Variants in KMT2A observed in about 807,000 individuals in gnomAD.
The protein encoded by KMT2A is lysine methyltransferase 2A, also known as histone-lysine N-methyltransferase 2A.
A neutral mutation model predicts 345.3 loss-of-function variants in KMT2A; 16 were observed. The observed-to-expected ratio is 0.05, with a 90% confidence interval of 0.03 to 0.07. The LOEUF is 0.07. Ranked by LOEUF, KMT2A falls within the 10% of genes least tolerant of loss-of-function variation. The pLI is 1.00. For synonymous variants in KMT2A, 1,599 were observed against 1,778.6 expected (o/e 0.90, Z 2.54); for missense variants, 3,272 against 4,841.6 (o/e 0.68, Z 9.62).
chr11:118,471,284 C>G (rs1949937827), intron 2 of KMT2A, among the ~76,000 whole-genome samples: 1 of 152,108 alleles, frequency 6.6e-6, no homozygotes, highest in Non-Finnish European at 1.5e-5. Context: ...AAATGTTAAT[C>G]TTGGTGGCTA....
At position 118,520,127 on chromosome 11, in the gene KMT2A, C is replaced by A; in HGVS notation, c.11429+63C>A. Reference sequence around the variant, plus strand: ...TTCCCTCTCCTCCAGCTGGTCAGGGCACTACGTAGGAATTTGTTTGCATCA... The same window carrying A: ...TTCCCTCTCCTCCAGCTGGTCAGGGAACTACGTAGGAATTTGTTTGCATCA... On this transcript the variant is annotated intron_variant, in intron 33 of 35. Transcript: ENST00000534358. This position sits in a 1 kb window ranked among gnomAD's most constrained non-coding sequence, Gnocchi z 4.3. 9.4e-7 allele frequency: 1 copy of A among 1,066,324 alleles called. No homozygotes were observed. Among genetic ancestry groups the A allele is most frequent in the Non-Finnish European group, 1.4e-6 (1 of 705,856 alleles). The allele number at this position is 1,066,324 out of a possible 1,614,324, so 66.1% of individuals were successfully genotyped here.
rs1950451402 is a variant in KMT2A, at chr11:118,498,776, T to G, written c.5961+248T>G. 6.6e-6 allele frequency among the ~76,000 whole-genome samples: 1 copy of G among 152,172 alleles called. No individual in the cohort carries two copies. Among genetic ancestry groups the G allele is most frequent in the East Asian group, 1.9e-4 (1 of 5,188 alleles). ...TTTACATCAGCATTCACTCTTGGTG[T>G]TGTACATTCTGTGGGTTTGGACAAA... is the stretch of plus-strand genomic sequence containing the variant. On this transcript the variant is annotated intron_variant, in intron 22 of 35. Transcript: ENST00000534358. This position sits in a 1 kb window ranked among gnomAD's most constrained non-coding sequence, Gnocchi z 4.4.
intron 1 of KMT2A, chr11:118,447,556 C>A: frequency 5.9e-6 from 2 of 337,886 alleles, no homozygotes; most frequent in South Asian, 4.5e-5. Context: ...GATGGGATGG[C>A]ATTATCTTTT....
chr11:118,489,521 A>C (rs1950291149), intron 11 of KMT2A, among the ~76,000 whole-genome samples: 2 of 152,068 alleles, frequency 1.3e-5, no homozygotes, highest in Admixed American at 1.3e-4. Context: ...TTGTGTTTTA[A>C]TTTTGGGACT....
intron 3 of KMT2A, among the ~76,000 whole-genome samples, chr11:118,474,967 TAA>T (rs782017800): frequency 6.6e-5 from 9 of 136,198 alleles, no homozygotes; most frequent in Non-Finnish European, 3.2e-5. Flanking sequence ...TCATCTCTAC[TAA>T]AAAAAAAAAA....
intron 2 of KMT2A, 93 bp downstream of exon 2, chr11:118,468,937 A>G (rs1404249414): frequency 2.2e-6 from 2 of 914,346 alleles, no homozygotes; most frequent in South Asian, 1.4e-5. Context: ...AGGATGCTCT[A>G]CCATACTTGG....
rs782109994 is a variant in KMT2A, at chr11:118,473,055, T to C, written c.1896T>C (p.Phe632=). ...LKHSRSEPQY[F]SSAKYAKEGL... ...ATTCTAGGTCAGAGCCACAATACTT[T>C]TCCTCAGCAAAGTATGCCAAAGAAG... Residue 632 remains phenylalanine, a synonymous_variant, in exon 3 of 36, where the codon TTT becomes TTC. Coordinates refer to ENST00000534358, the MANE Select transcript of KMT2A (RefSeq NM_001197104.2). This position sits in a 1 kb window ranked among gnomAD's most constrained non-coding sequence, Gnocchi z 5.2. The C allele has an allele frequency of 3.7e-6, 6 of 1,614,212 alleles. No individual in the cohort carries two copies. The South Asian group carries it at 6.6e-5, about 18-fold the overall frequency.
chr11:118,511,908 G>C (rs373950413), intron 30 of KMT2A, 43 bp from the exon 31 acceptor site: 1 of 1,489,078 alleles, frequency 6.7e-7, no homozygotes, highest in Non-Finnish European at 9.4e-7. Context: ...AAGGGTTTAC[G>C]TGCATATTTT....
rs781882727 is a variant in KMT2A, at chr11:118,471,643, G to A, written c.503-19G>A. 2 of 1,513,404 alleles carry A rather than the reference G, an allele frequency of 1.3e-6. No homozygotes were observed. Among genetic ancestry groups the A allele is most frequent in the African/African-American group, 2.8e-5 (2 of 71,356 alleles). The allele number at this position is 1,513,404 out of a possible 1,614,324, so 93.7% of individuals were successfully genotyped here. ...CACAGCTAAATATATGCTCTTCATT[G>A]TTTAATTTCTATACACAGTTAAAAC... On this transcript the variant is annotated intron_variant, in intron 2 of 35. Transcript: ENST00000534358.
At chr11:118,455,565 A>G (rs1949624952) in intron 1 of KMT2A, among the ~76,000 whole-genome samples, 1 of 152,146 alleles carries the variant, frequency 6.6e-6, no homozygotes, top group Admixed American at 6.5e-5. Context: ...TTTGTCTTCT[A>G]TCTTGGCCCT....
intron 15 of KMT2A, among the ~76,000 whole-genome samples, chr11:118,492,703 G>A (rs477101): frequency 0.99 from 151,469 of 152,334 alleles, 75,310 homozygotes; most frequent in East Asian, 1. Context: ...AAGAAGAACC[G>A]CATGGATCAC....
rs1951028654 is a variant in KMT2A, at chr11:118,524,029, ATCTT to A, written c.*1862_*1865del. Reference sequence around the variant, plus strand: ...AGACGGCAATCTTTACATTTCCCTCATCTTTCTTACTTCAGAGTTAGCAAACAAC... The same window carrying A: ...AGACGGCAATCTTTACATTTCCCTCATCTTACTTCAGAGTTAGCAAACAAC... On this transcript the variant is annotated 3_prime_UTR_variant, in exon 36 of 36. Transcript: ENST00000534358. The A allele has an allele frequency of 5.1e-6, 1 of 197,632 alleles. No homozygotes were observed. Among genetic ancestry groups the A allele is most frequent in the Non-Finnish European group, 1.0e-5 (1 of 95,292 alleles). 12.2% of individuals were successfully genotyped at this position (197,632 alleles called of 1,614,324 possible). A position where few individuals can be genotyped will look rare whatever the true frequency, so the allele number is the denominator to read the frequency against.
chr11:118,493,064 A>C lies in KMT2A; in HGVS notation c.5012A>C (p.Lys1671Thr). The change falls in exon 16 of 36, where the codon AAG (lysine) becomes ACG (threonine). Residue 1671 changes from lysine (K) to threonine (T), a missense_variant. By Grantham distance (78) the Lys-to-Thr change is moderately conservative. Coordinates refer to ENST00000534358, the MANE Select transcript of KMT2A (RefSeq NM_001197104.2). This position sits in a 1 kb window ranked among gnomAD's most constrained non-coding sequence, Gnocchi z 5.8. ...SHLLRYRQAA[K>T]PPDLNPETEE... is the part of the protein sequence containing the mutation. ...TATCTTTCCTGGCAATAGGCTGCCA[A>C]GCCTCCAGACTTAAATCCCGAGACA... 1 of 1,613,016 alleles carries C rather than the reference A, an allele frequency of 6.2e-7. No individual in the cohort carries two copies. The highest frequency in any genetic ancestry group is 8.5e-7 in the Non-Finnish European group (1 of 1,179,352).
Position 118,488,539 on chromosome 11 carries a change from T to C in KMT2A, c.4333-75T>C. Reference sequence around the variant, plus strand: ...GTGGACTACTAAAACCCAAAGTATATAAGAAGGGTATGGTTGATTATGTTT... The same window carrying C: ...GTGGACTACTAAAACCCAAAGTATACAAGAAGGGTATGGTTGATTATGTTT... On this transcript the variant is annotated intron_variant, in intron 10 of 35. Coordinates refer to ENST00000534358, the MANE Select transcript of KMT2A (RefSeq NM_001197104.2). 3 of 1,518,046 alleles carry C rather than the reference T, an allele frequency of 2.0e-6. 1 individual carries two copies. Among genetic ancestry groups the C allele is most frequent in the Middle Eastern group, 3.4e-4 (2 of 5,854 alleles). 94.0% of individuals were successfully genotyped at this position (1,518,046 alleles called of 1,614,324 possible).
chr11:118,483,399 G>T (rs1371161576), intron 8 of KMT2A, among the ~76,000 whole-genome samples: 2 of 151,792 alleles, frequency 1.3e-5, no homozygotes, highest in African/African-American at 4.8e-5. Context: ...CCGGCGAGGT[G>T]GCGGGCGCCT....
chr11:118,501,117 A>G lies in KMT2A; in HGVS notation c.6289A>G (p.Thr2097Ala). Residue 2097 changes from threonine (T) to alanine (A), a missense_variant, in exon 25 of 36, where the codon ACC becomes GCC. Around this residue, in one of 27 missense-constraint regions of KMT2A, gnomAD observed 66 missense variants for 73.9 expected, o/e 0.89. Coordinates refer to ENST00000534358, the MANE Select transcript of KMT2A (RefSeq NM_001197104.2). The part of the protein sequence containing the change: ...NSTVEHDENR[T>A]IAHSPTSFTE... Reference sequence around the variant, plus strand: ...CACTGTTGAACATGATGAAAACAGGACCATTGCCCATAGTCCAACATCTTT... The same window carrying G: ...CACTGTTGAACATGATGAAAACAGGGCCATTGCCCATAGTCCAACATCTTT... 1 of 1,614,084 alleles carries G rather than the reference A, an allele frequency of 6.2e-7. No homozygotes were observed. Among genetic ancestry groups the G allele is most frequent in the Non-Finnish European group, 8.5e-7 (1 of 1,179,982 alleles).
At chr11:118,459,775 G>A (rs547034973) in intron 1 of KMT2A, among the ~76,000 whole-genome samples, 35 of 32,516 alleles carry the variant, frequency 1.1e-3, no homozygotes, top group African/African-American at 3.2e-3. Flanking sequence ...CCAACCCCCC[G>A]CCCCGGGTTC....
In KMT2A at chr11:118,495,660, T is replaced by C. The variant is rs1950397442; in HGVS notation, c.5364-40T>C. 2 of 1,504,612 alleles carry C rather than the reference T, an allele frequency of 1.3e-6. No homozygotes were observed. Among genetic ancestry groups the C allele is most frequent in the Non-Finnish European group, 1.8e-6 (2 of 1,095,658 alleles). 93.2% of individuals were successfully genotyped at this position (1,504,612 alleles called of 1,614,324 possible). On this transcript the variant is annotated intron_variant, in intron 18 of 35. Transcript: ENST00000534358. This position sits in a 1 kb window ranked among gnomAD's most constrained non-coding sequence, Gnocchi z 4.1. Reference sequence around the variant, plus strand: ...ATTTTATACAGTTCTAGGTATACTGTAGGAGTTCAATAAATGCTTGTTGAA... The same window carrying C: ...ATTTTATACAGTTCTAGGTATACTGCAGGAGTTCAATAAATGCTTGTTGAA...
rs141562970 is a variant in KMT2A, at chr11:118,437,233, C to T, written c.432+289C>T. 2.6e-5 allele frequency among the ~76,000 whole-genome samples: 4 copies of T among 152,022 alleles called. No homozygotes were observed. The East Asian group carries it at 7.8e-4, about 30-fold the overall frequency. On this transcript the variant is annotated intron_variant, in intron 1 of 35. Coordinates refer to ENST00000534358, the MANE Select transcript of KMT2A (RefSeq NM_001197104.2). The stretch of plus-strand genomic sequence containing the variant: ...GACCCCCTCGCCGGGGTTTCCCATC[C>T]CGGGACTGAACCCCTCCTCCCTTTC...
Sources: allele counts gnomAD v4.1 joint callset (sites outside exome capture counted in the v4.1 genomes callset), GRCh38; gene constraint gnomAD v4.1.1; regional missense constraint gnomAD v4.1.1; non-coding constraint Gnocchi (gnomAD v3.1); transcripts MANE v1.5; gene names NCBI Gene and HGNC (gene_info 2026-07-23, HGNC 2026-07-21).